Variants in APPL1 observed in about 807,000 individuals in gnomAD.
The protein encoded by APPL1 is adaptor protein, phosphotyrosine interacting with PH domain and leucine zipper 1.
APPL1 carries 42 observed loss-of-function variants against 106.8 expected under a neutral mutation model. The ratio of observed to expected loss-of-function variants is 0.39; its 90% CI spans 0.31 to 0.51. The LOEUF (loss-of-function observed/expected upper bound fraction) is 0.51, where lower values mean the gene tolerates loss of function less well. Among genes scored for constraint, APPL1 ranks in the 20% least tolerant of loss-of-function variants. The pLI, the probability that APPL1 is intolerant of heterozygous loss-of-function variation, is 0.75. For synonymous variants in APPL1, 263 were observed against 281.8 expected (o/e 0.93, Z 0.67); for missense variants, 769 against 858.2 (o/e 0.90, Z 1.30).
chr3:57,268,092 C>CAAA (rs763894298), intron 20 of APPL1: 9 of 369,000 alleles, frequency 2.4e-5, no homozygotes, highest in East Asian at 4.7e-5. Flanking sequence ...GACTGTATCT[C>CAAA]AAAAAAAAAA....
intron 11 of APPL1, 86 bp from the exon 12 acceptor site, chr3:57,252,183 T>C: frequency 1.8e-6 from 2 of 1,118,410 alleles, no homozygotes; most frequent in Admixed American, 2.4e-5. Flanking sequence ...TATATGCCTT[T>C]AACTTTAAAG....
At chr3:57,248,936 A>C (rs1163109364) in intron 10 of APPL1, among the ~76,000 whole-genome samples, 1 of 152,216 alleles carries the variant, frequency 6.6e-6, no homozygotes, top group Non-Finnish European at 1.5e-5. Flanking sequence ...TCATAACATG[A>C]GAATGCTATG....
At chr3:57,238,265 A>G in intron 4 of APPL1, 149 bp downstream of exon 4, 1 of 577,492 alleles carries the variant, frequency 1.7e-6, no homozygotes, top group Non-Finnish European at 3.0e-6. Flanking sequence ...TCATCAAAAC[A>G]ATACTTTCTT....
Position 57,248,545 on chromosome 3 carries a change from A to G in APPL1, c.863+194A>G, listed in dbSNP as rs146504195. Among the ~76,000 whole-genome samples the G allele has an allele frequency of 4.7e-3, 711 of 152,336 alleles. 3 individuals are homozygous for G. The highest frequency in any genetic ancestry group is 0.014 in the Middle Eastern group (4 of 294). ...TTTTCAGAAGTAAAATCCTACCTAG[A>G]TATTTATTGAATAATGTAGAATGAT... On this transcript the variant is annotated intron_variant, in intron 10 of 21. Transcript: ENST00000288266.
chr3:57,248,012 AAT>A (rs1397960254), intron 9 of APPL1, among the ~76,000 whole-genome samples, 179 bp from the exon 10 acceptor site: 32 of 152,316 alleles, frequency 2.1e-4, no homozygotes, highest in Admixed American at 2.0e-3. Flanking sequence ...TTGTTTCCAA[AAT>A]ATCTAAGTTT....
chr3:57,230,383 AAT>A (rs1374210151), intron 1 of APPL1, among the ~76,000 whole-genome samples: 1 of 152,088 alleles, frequency 6.6e-6, no homozygotes, highest in Admixed American at 6.6e-5. Flanking sequence ...AATAACACAC[AAT>A]TACCTGTTGG....
In APPL1 at chr3:57,259,695, A is replaced by C. The variant is rs868565562; in HGVS notation, c.1484-150A>C. ...TACTGTAGTTAGGAGTTATTTTGAA[A>C]TGTCTCCCTTAGGCTGTTGAATTTT... On this transcript the variant is annotated intron_variant, in intron 16 of 21. Transcript: ENST00000288266. The C allele has an allele frequency of 6.5e-5, 39 of 604,446 alleles. No homozygotes were observed. In the Middle Eastern group the frequency reaches 3.2e-3, roughly 49 times the overall value. 37.4% of individuals were successfully genotyped at this position (604,446 alleles called of 1,614,324 possible).
rs2060857577 is a variant in APPL1, at chr3:57,260,118, T to C, written c.1660T>C (p.Leu554=). ...HLLVTCDCLK[L]IDPQTQVTRL... is the part of the protein sequence containing the mutation. The stretch of plus-strand genomic sequence containing the variant: ...CCAATTTTTAAATTATTATTTTAGG[T>C]TAATTGATCCACAGACACAAGTTAC... Residue 554 remains leucine, a splice_region_variant and synonymous_variant, in exon 18 of 22, where the codon TTA becomes CTA. Coordinates refer to ENST00000288266, the MANE Select transcript of APPL1 (RefSeq NM_012096.3). 6.2e-7 allele frequency: 1 copy of C among 1,606,586 alleles called. No individual in the cohort carries two copies. The highest frequency in any genetic ancestry group is 1.7e-5 in the Admixed American group (1 of 57,502).
chr3:57,251,714 T>C (rs1366632756), intron 11 of APPL1, among the ~76,000 whole-genome samples: 1 of 152,104 alleles, frequency 6.6e-6, no homozygotes, highest in Admixed American at 6.6e-5. Flanking sequence ...TATTAAGTAT[T>C]TACTTTTTGC....
rs373526618 is a variant in APPL1 at position 57,262,385 on chromosome 3, C to CT, written c.1842+1636dup. Among the ~76,000 whole-genome samples, 228 of 29,010 alleles carry CT rather than the reference C, an allele frequency of 7.9e-3. 75 individuals are homozygous for CT. The highest frequency in any genetic ancestry group is 0.012 in the Non-Finnish European group (186 of 16,044). 19.0% of individuals were successfully genotyped at this position (29,010 alleles called of 152,430 possible). A position where few individuals can be genotyped will look rare whatever the true frequency, so the allele number is the denominator to read the frequency against. On this transcript the variant is annotated intron_variant, in intron 19 of 21. Transcript: ENST00000288266. ...GTTTTTTTTTTCTATGGAAAATAAC[C>CT]TTTTTTTTTTTTTTTTTTTTTTTTT...
chr3:57,260,489 C>T, intron 18 of APPL1, 139 bp from the exon 19 acceptor site: 1 of 726,136 alleles, frequency 1.4e-6, no homozygotes, highest in Non-Finnish European at 2.0e-6. Context: ...CTTGTTTCTG[C>T]ATTACAAGTC....
chr3:57,258,835 A>T (rs992900682), intron 15 of APPL1, 193 bp from the exon 16 acceptor site: 2 of 476,022 alleles, frequency 4.2e-6, no homozygotes, highest in African/African-American at 4.0e-5. Flanking sequence ...AAGTGCACCA[A>T]CATTGATCAG....
At chr3:57,260,557 T>G in intron 18 of APPL1, 71 bp from the exon 19 acceptor site, 43 of 1,378,054 alleles carry the variant, frequency 3.1e-5, no homozygotes, top group Non-Finnish European at 3.8e-5. Context: ...ACTTAGCATA[T>G]GAGTTTGTCA....
rs1024472942 is a variant in APPL1, at chr3:57,268,585, T to G, written c.1983+98T>G. 9.2e-5 allele frequency: 127 copies of G among 1,383,826 alleles called. 1 individual carries two copies. Among genetic ancestry groups the G allele is most frequent in the Non-Finnish European group, 1.1e-4 (119 of 1,048,084 alleles). 85.7% of individuals were successfully genotyped at this position (1,383,826 alleles called of 1,614,324 possible). On this transcript the variant is annotated intron_variant, in intron 21 of 21. Transcript: ENST00000288266. ...TTGAATTTCCAAATGAAGGGCTGTT[T>G]CTGCTTGTTCAGCCACTTCATAAAC...
rs200477966 is a variant in APPL1, at chr3:57,228,763, T to C, written c.54+826T>C. On this transcript the variant is annotated intron_variant, in intron 1 of 21. Coordinates refer to ENST00000288266, the MANE Select transcript of APPL1 (RefSeq NM_012096.3). The surrounding 1 kb of genome is among the most constrained non-coding windows in gnomAD (Gnocchi z 4.6). ...ATGTTGGCAGGGGCTGTAACTTGCA[T>C]AGGGAAAACTTCATCTCTAAGCCGT... is the stretch of plus-strand genomic sequence containing the variant. Among the ~76,000 whole-genome samples, 4 of 152,238 alleles carry C rather than the reference T, an allele frequency of 2.6e-5. No homozygotes were observed. The highest frequency in any genetic ancestry group is 9.6e-5 in the African/African-American group (4 of 41,462).
At chr3:57,232,363 C>T (rs137877114) in intron 1 of APPL1, among the ~76,000 whole-genome samples, 1 of 152,118 alleles carries the variant, frequency 6.6e-6, no homozygotes, top group Non-Finnish European at 1.5e-5. Context: ...TTGCTATCAG[C>T]CAGGTAGCAG....
chr3:57,246,254 G>C (rs2060773097), intron 8 of APPL1, 32 bp downstream of exon 8: 15 of 1,451,168 alleles, frequency 1.0e-5, no homozygotes, highest in Non-Finnish European at 1.4e-5. Context: ...GATTATAACT[G>C]TCCTAAAAGT....
chr3:57,260,046 T>C, intron 17 of APPL1, 27 bp downstream of exon 17: 1 of 1,607,764 alleles, frequency 6.2e-7, no homozygotes. Flanking sequence ...CTTAAAAAAC[T>C]GTAGAAAAAA....
At chr3:57,231,758 T>C (rs1055481756) in intron 1 of APPL1, among the ~76,000 whole-genome samples, 1 of 149,554 alleles carries the variant, frequency 6.7e-6, no homozygotes, top group Non-Finnish European at 1.5e-5. Context: ...CAGTGAGCTA[T>C]GATCACACCA....
Sources: allele counts gnomAD v4.1 joint callset (sites outside exome capture counted in the v4.1 genomes callset), GRCh38; gene constraint gnomAD v4.1.1; non-coding constraint Gnocchi (gnomAD v3.1); transcripts MANE v1.5; gene names NCBI Gene and HGNC (gene_info 2026-07-23, HGNC 2026-07-21).